PCSK5: variants seen among roughly 807,000 people sequenced by gnomAD.
PCSK5 encodes the protein prohormone convertase 5.
PCSK5 carries 129 observed loss-of-function variants against 233.2 expected under a neutral mutation model. The ratio of observed to expected loss-of-function variants is 0.55; its 90% CI spans 0.48 to 0.64. PCSK5 has a LOEUF of 0.64. Among genes scored for constraint, PCSK5 ranks in the 30% least tolerant of loss-of-function variants. The probability of loss-of-function intolerance (pLI) is 0.00; values close to 1 mark genes in which losing one functional copy is unlikely to be tolerated. For missense variants in PCSK5, 2,076 were observed against 2,430.1 expected (o/e 0.85, Z 3.06); for synonymous variants, 825 against 879.2 (o/e 0.94, Z 1.09).
intron 7 of PCSK5, among the ~76,000 whole-genome samples, chr9:76,076,990 A>G (rs542188724): frequency 2.0e-5 from 3 of 152,218 alleles, no homozygotes; most frequent in Admixed American, 6.5e-5. Flanking sequence ...AAAATAAATA[A>G]CATTTAATCT....
chr9:76,026,946 C>A lies in PCSK5; in HGVS notation c.556-15C>A, dbSNP rs757563679. On this transcript the variant is annotated splice_polypyrimidine_tract_variant and intron_variant, in intron 4 of 37. Transcript: ENST00000674117. Reference sequence around the variant, plus strand: ...GTCCATTTCCTTTCCCTTGCTCTCTCCTCTGTGGCCATAGGATGCTCTGGC... The same window carrying A: ...GTCCATTTCCTTTCCCTTGCTCTCTACTCTGTGGCCATAGGATGCTCTGGC... 13 of 1,594,572 alleles carry A rather than the reference C, an allele frequency of 8.2e-6. No individual in the cohort carries two copies. Among genetic ancestry groups the A allele is most frequent in the Non-Finnish European group, 1.1e-5 (13 of 1,164,484 alleles).
chr9:75,891,088 C>CGAGCTGCGGCGGCCCGGGGCTGT lies in PCSK5; in HGVS notation c.-94_-93insGAGCTGCGGCGGCCCGGGGCTGT. The stretch of plus-strand genomic sequence containing the variant: ...TGCGAGCTGCGGCGGCCCGGGGCTG[C>CGAGCTGCGGCGGCCCGGGGCTGT]TCGCCGGGCGGCGCAGGCCGGAGAA... On this transcript the variant is annotated 5_prime_UTR_variant, in exon 1 of 38. Coordinates refer to ENST00000674117, the MANE Select transcript of PCSK5 (RefSeq NM_001372043.1). The CGAGCTGCGGCGGCCCGGGGCTGT allele has an allele frequency of 8.2e-7, 1 of 1,216,142 alleles. No individual in the cohort carries two copies. The highest frequency in any genetic ancestry group is 1.1e-6 in the Non-Finnish European group (1 of 940,454). The allele number at this position is 1,216,142 out of a possible 1,614,324, so 75.3% of individuals were successfully genotyped here. A position where few individuals can be genotyped will look rare whatever the true frequency, so the allele number is the denominator to read the frequency against.
intron 20 of PCSK5, among the ~76,000 whole-genome samples, chr9:76,220,368 A>T (rs968739020): frequency 6.6e-6 from 1 of 151,922 alleles, no homozygotes; most frequent in Non-Finnish European, 1.5e-5. Flanking sequence ...CTCTACTAAA[A>T]ATACAAAAAT....
At chr9:75,934,542 A>G (rs574182710) in intron 2 of PCSK5, among the ~76,000 whole-genome samples, 2 of 150,598 alleles carry the variant, frequency 1.3e-5, no homozygotes, top group East Asian at 1.9e-4. Flanking sequence ...GGGTTGGGGG[A>G]GCAAAGGACA....
intron 12 of PCSK5, among the ~76,000 whole-genome samples, chr9:76,164,892 G>A (rs1823028523): frequency 6.6e-6 from 1 of 151,894 alleles, no homozygotes; most frequent in South Asian, 2.1e-4. Flanking sequence ...TGCATTTTGG[G>A]GTTGGTGAAT....
upstream of PCSK5, among the ~76,000 whole-genome samples, chr9:75,890,364 C>T (rs1380796647): frequency 2.6e-5 from 4 of 152,086 alleles, no homozygotes; most frequent in African/African-American, 9.7e-5. Flanking sequence ...TTCGCACCGG[C>T]GTGTAAATTT....
intron 5 of PCSK5, among the ~76,000 whole-genome samples, chr9:76,042,386 C>T (rs1192951922): frequency 6.6e-6 from 1 of 152,224 alleles, no homozygotes. Context: ...CATGGTGGCT[C>T]ACGCCTGTAA....
intron 1 of PCSK5, among the ~76,000 whole-genome samples, chr9:75,902,512 G>A (rs1306907557): frequency 1.3e-5 from 2 of 152,156 alleles, no homozygotes; most frequent in African/African-American, 4.8e-5. Context: ...CCAACCCAGA[G>A]AGTATTTTTA....
chr9:76,138,795 A>G (rs982283117), intron 10 of PCSK5, among the ~76,000 whole-genome samples: 1 of 152,078 alleles, frequency 6.6e-6, no homozygotes, highest in African/African-American at 2.4e-5. Flanking sequence ...ACTAGGCGAA[A>G]GAATGAAAAA....
intron 35 of PCSK5, 126 bp from the exon 36 acceptor site, chr9:76,350,702 T>A (rs1830098095): frequency 1.5e-6 from 1 of 651,872 alleles, no homozygotes; most frequent in African/African-American, 1.9e-5. Context: ...CTTTTTCGTA[T>A]CCTCAATCAA....
intron 1 of PCSK5, among the ~76,000 whole-genome samples, chr9:75,914,171 A>T (rs1822878697): frequency 6.6e-6 from 1 of 152,208 alleles, no homozygotes; most frequent in African/African-American, 2.4e-5. Flanking sequence ...CTTGTAACAG[A>T]TTTAAACCAA....
intron 22 of PCSK5, among the ~76,000 whole-genome samples, chr9:76,233,895 CAG>C: frequency 6.6e-6 from 1 of 152,094 alleles, no homozygotes; most frequent in South Asian, 2.1e-4. Context: ...ATGAGATAGA[CAG>C]TGAAGTTAAG....
intron 1 of PCSK5, among the ~76,000 whole-genome samples, chr9:75,921,051 T>G (rs1028127278): frequency 1.3e-5 from 2 of 152,180 alleles, no homozygotes; most frequent in Non-Finnish European, 2.9e-5. Context: ...TTAGAGATTT[T>G]TTTCATTTAA....
intron 3 of PCSK5, among the ~76,000 whole-genome samples, chr9:75,987,042 G>A (rs368224145): frequency 2.0e-5 from 3 of 152,154 alleles, no homozygotes; most frequent in African/African-American, 7.2e-5. Flanking sequence ...AATTTTGCCA[G>A]TATATTATTC....
At chr9:76,076,545 A>G (rs1435740629) in intron 7 of PCSK5, among the ~76,000 whole-genome samples, 1 of 152,226 alleles carries the variant, frequency 6.6e-6, no homozygotes, top group African/African-American at 2.4e-5. Context: ...CCAAGTATCA[A>G]GAGAGATTTT....
intron 24 of PCSK5, among the ~76,000 whole-genome samples, chr9:76,290,985 A>C (rs1315454159): frequency 6.6e-6 from 1 of 152,254 alleles, no homozygotes; most frequent in African/African-American, 2.4e-5. Context: ...CAAGTTCACA[A>C]GATAATTAAG....
chr9:76,181,334 A>G (rs1192190839), intron 15 of PCSK5, 64 bp from the exon 16 acceptor site: 3 of 1,413,776 alleles, frequency 2.1e-6, no homozygotes, highest in Non-Finnish European at 2.9e-6. Context: ...CAGCACCTCC[A>G]AGAGAATGCT....
At chr9:75,902,036 C>G (rs915978250) in intron 1 of PCSK5, among the ~76,000 whole-genome samples, 1 of 151,622 alleles carries the variant, frequency 6.6e-6, no homozygotes, top group African/African-American at 2.4e-5. Flanking sequence ...GCCAACATGG[C>G]AAAACCCCAT....
intron 24 of PCSK5, among the ~76,000 whole-genome samples, chr9:76,281,704 A>G (rs973031193): frequency 2.0e-5 from 3 of 152,220 alleles, no homozygotes; most frequent in Non-Finnish European, 4.4e-5. Context: ...GCTGGAGTAC[A>G]GTGGCACACT....
Sources: allele counts gnomAD v4.1 joint callset (sites outside exome capture counted in the v4.1 genomes callset), GRCh38; gene constraint gnomAD v4.1.1; transcripts MANE v1.5; gene names NCBI Gene and HGNC (gene_info 2026-07-23, HGNC 2026-07-21).